The following GPR19 variants were observed in gnomAD, a reference collection of about 807,000 sequenced individuals.
GPR19 encodes the protein probable G protein-coupled receptor 19.
In GPR19, 14 loss-of-function variants were observed where a neutral mutation model predicts 28.5. The ratio of observed to expected loss-of-function variants is 0.49; its 90% CI spans 0.32 to 0.77. GPR19 has a LOEUF of 0.77. Among genes scored for constraint, GPR19 ranks in the 30% least tolerant of loss-of-function variants. The pLI is 0.03. For synonymous variants in GPR19, 173 were observed against 184.1 expected (o/e 0.94, Z 0.49); for missense variants, 409 against 504.1 (o/e 0.81, Z 1.81).
At chr12:12,705,115 CTT>C in the GPR19 span, among the ~76,000 whole-genome samples, 43 of 136,594 alleles carry the variant, frequency 3.1e-4, no homozygotes, top group African/African-American at 1.1e-3. Flanking sequence ...AGAAATGCAT[CTT>C]TTTTTTTTTT....
chr12:12,661,830 C>T lies in GPR19; in HGVS notation c.619G>A (p.Asp207Asn). 3 of 1,614,074 alleles carry T rather than the reference C, an allele frequency of 1.9e-6. No homozygotes were observed. The highest frequency in any genetic ancestry group is 2.5e-6 in the Non-Finnish European group (3 of 1,180,002). Residue 207 changes from aspartate (D) to asparagine (N), a missense_variant, in exon 4 of 4, where the codon GAC (aspartate) becomes AAC (asparagine). By Grantham distance (23) the Asp-to-Asn change is conservative. Transcript: ENST00000651487. The surrounding 1 kb of genome is among the most constrained non-coding windows in gnomAD (Gnocchi z 4.2). The part of the protein sequence containing the change: ...PVLFFYGSNW[D>N]SHCNYFLPSS... ...GGGAGGAAATAGTTACAATGACTGTCCCAGTTGGAGCCATAGAAAAAGAGC... is the reference window on the plus strand; with the variant it reads ...GGGAGGAAATAGTTACAATGACTGTTCCAGTTGGAGCCATAGAAAAAGAGC...
chr12:12,709,551 C>G, the GPR19 span, among the ~76,000 whole-genome samples: 3 of 152,138 alleles, frequency 2.0e-5, no homozygotes, highest in African/African-American at 7.2e-5. Context: ...AGGGATCCTC[C>G]ACCTCCACCT....
chr12:12,668,667 C>T (rs1462112201), intron 3 of GPR19, among the ~76,000 whole-genome samples: 4 of 139,974 alleles, frequency 2.9e-5, no homozygotes, highest in African/African-American at 5.4e-5. Flanking sequence ...TGATTTTTTA[C>T]ATGATTTGGT....
At chr12:12,662,497 C>T in intron 3 of GPR19, 27 bp from the exon 4 acceptor site, 1 of 1,550,224 alleles carries the variant, frequency 6.5e-7, no homozygotes, top group African/African-American at 1.4e-5. Context: ...AGAATGAGGC[C>T]TCCTGTTAAA....
At chr12:12,666,232 C>T (rs1303131716) in intron 3 of GPR19, among the ~76,000 whole-genome samples, 1 of 152,116 alleles carries the variant, frequency 6.6e-6, no homozygotes, top group Non-Finnish European at 1.5e-5. Context: ...TCAAACTGAT[C>T]TAAATTTTTC....
At chr12:12,707,366 T>C in the GPR19 span, among the ~76,000 whole-genome samples, 13 of 152,398 alleles carry the variant, frequency 8.5e-5, no homozygotes, top group East Asian at 1.9e-3. Context: ...TATTTGTCCA[T>C]TGTCTGTCTT....
At chr12:12,700,302 C>T (rs980985675), upstream of GPR19, among the ~76,000 whole-genome samples, 2 of 152,064 alleles carry the variant, frequency 1.3e-5, no homozygotes, top group Admixed American at 1.3e-4. Flanking sequence ...ATTCTTCCAC[C>T]TCAGCCTCCC....
the GPR19 span, among the ~76,000 whole-genome samples, chr12:12,706,324 C>A: frequency 6.6e-6 from 1 of 152,192 alleles, no homozygotes; most frequent in Non-Finnish European, 1.5e-5. Context: ...TCTTGGCTCT[C>A]CTCCACTCTA....
At chr12:12,697,152 G>GAAAAAAAAAAAAAAAA (rs1565413527), upstream of GPR19, among the ~76,000 whole-genome samples, 3 of 5,258 alleles carry the variant, frequency 5.7e-4, no homozygotes, top group Non-Finnish European at 5.8e-4. Context: ...TTGAAGCGAA[G>GAAAAAAAAAAAAAAAA]TAAAAAAAAA....
At chr12:12,703,258 C>G in the GPR19 span, 1 of 352,354 alleles carries the variant, frequency 2.8e-6, no homozygotes, top group Admixed American at 6.4e-5. Flanking sequence ...TGGAAAGGAT[C>G]TATTACCTAA....
At chr12:12,694,641 T>G (rs1239739342) in intron 2 of GPR19, among the ~76,000 whole-genome samples, 1 of 152,198 alleles carries the variant, frequency 6.6e-6, no homozygotes, top group Non-Finnish European at 1.5e-5. Flanking sequence ...ACAATAATCC[T>G]ATGGCACAGG....
chr12:12,686,758 A>G (rs1946102795), intron 2 of GPR19, among the ~76,000 whole-genome samples: 2 of 152,336 alleles, frequency 1.3e-5, no homozygotes, highest in Admixed American at 6.5e-5. Context: ...TAACTGGTCA[A>G]TTTAATGTGT....
In GPR19 at chr12:12,661,739, A is replaced by G; in HGVS notation, c.710T>C (p.Val237Ala). ...HFLVGFVIPS[V>A]LIILFYQKVI... The stretch of plus-strand genomic sequence containing the variant: ...CTTTTGGTAAAATAAAATTATGAGG[A>G]CAGATGGAATCACAAAGCCCACCAA... The change falls in exon 4 of 4, where the codon GTC (valine) becomes GCC (alanine). Residue 237 changes from valine (V) to alanine (A), a missense_variant. Physicochemically the swap from Val to Ala is moderately conservative, Grantham distance 64. Transcript: ENST00000651487. The surrounding 1 kb of genome is among the most constrained non-coding windows in gnomAD (Gnocchi z 4.2). 1 of 1,614,112 alleles carries G rather than the reference A, an allele frequency of 6.2e-7. No homozygotes were observed. The highest frequency in any genetic ancestry group is 8.5e-7 in the Non-Finnish European group (1 of 1,180,006).
At chr12:12,670,345 C>A (rs963348080) in intron 3 of GPR19, among the ~76,000 whole-genome samples, 5 of 152,276 alleles carry the variant, frequency 3.3e-5, no homozygotes, top group Admixed American at 3.3e-4. Flanking sequence ...AAAAAAATCT[C>A]ATGTTTTAAA....
rs376767277 is a variant in GPR19, at chr12:12,662,195, A to G, written c.254T>C (p.Leu85Pro). 1 of 1,614,252 alleles carries G rather than the reference A, an allele frequency of 6.2e-7. No homozygotes were observed. The highest frequency in any genetic ancestry group is 1.3e-5 in the African/African-American group (1 of 75,072). The change falls in exon 4 of 4, where the codon CTG (leucine) becomes CCG (proline). Residue 85 changes from leucine to proline, a missense_variant. Leu to Pro is a moderately conservative substitution (Grantham distance 98). Coordinates refer to ENST00000651487, the MANE Select transcript of GPR19 (RefSeq NM_006143.3). ...LWLFSIFGNS[L>P]VCLVIHRSRR... is the part of the protein sequence containing the mutation. The stretch of plus-strand genomic sequence containing the variant: ...ACTCCTATGGATGACCAAACAAACC[A>G]GGGAATTGCCGAAGATAGAAAACAA...
the GPR19 span, chr12:12,715,739 C>T: frequency 6.6e-6 from 1 of 152,232 alleles, no homozygotes; most frequent in African/African-American, 2.4e-5. Context: ...GCATCTAGTC[C>T]TGACTCCGGT....
chr12:12,665,313 G>A (rs1447190426), intron 3 of GPR19, among the ~76,000 whole-genome samples: 1 of 152,114 alleles, frequency 6.6e-6, no homozygotes, highest in East Asian at 1.9e-4. Context: ...GAGGCGGGGG[G>A]CCCTTCCATC....
At chr12:12,698,272 T>A (rs576395524), upstream of GPR19, among the ~76,000 whole-genome samples, 1 of 152,340 alleles carries the variant, frequency 6.6e-6, no homozygotes, top group East Asian at 1.9e-4. Context: ...GACTGATGGA[T>A]TGGTAATTTA....
chr12:12,662,950 A>G (rs542759726), intron 3 of GPR19, among the ~76,000 whole-genome samples: 5 of 152,364 alleles, frequency 3.3e-5, no homozygotes, highest in Admixed American at 3.3e-4. Context: ...GGAAGTAGCT[A>G]ACAGCAGTCT....
Sources: gnomAD v4.1 joint callset for allele counts (sites outside exome capture counted in the v4.1 genomes callset) on GRCh38, gnomAD v4.1.1 for gene constraint, Gnocchi (gnomAD v3.1) non-coding constraint, MANE v1.5 for transcripts, NCBI Gene and HGNC (gene_info 2026-07-23, HGNC 2026-07-21) for gene names.